SPIDR: variants seen among roughly 807,000 people sequenced by gnomAD.
SPIDR encodes scaffold protein involved in DNA repair.
A neutral mutation model predicts 104.6 loss-of-function variants in SPIDR; 93 were observed. The ratio of observed to expected loss-of-function variants is 0.89; its 90% CI spans 0.75 to 1.06. The LOEUF (loss-of-function observed/expected upper bound fraction) is 1.06. SPIDR is among the 50% of genes least tolerant of loss of function. SPIDR has a pLI of 0.00. For missense variants in SPIDR, 1,154 were observed against 1,111.2 expected, an observed-to-expected ratio of 1.04 and a Z score of -0.55; for synonymous variants, 431 against 416.9, an observed-to-expected ratio of 1.03 and a Z score of -0.41.
intron 5 of SPIDR, among the ~76,000 whole-genome samples, chr8:47,329,035 T>A (rs554112151): frequency 5.3e-5 from 8 of 152,018 alleles, no homozygotes; most frequent in Non-Finnish European, 1.2e-4. Flanking sequence ...GTCTCCTGAG[T>A]AGCTGGGATT....
chr8:47,412,308 G>C (rs907595918), intron 7 of SPIDR, among the ~76,000 whole-genome samples: 5 of 151,948 alleles, frequency 3.3e-5, no homozygotes, highest in African/African-American at 1.2e-4. Flanking sequence ...TCTTCCATTT[G>C]TTATTTAGAA....
At chr8:47,416,723 A>G (rs2064371389) in intron 7 of SPIDR, among the ~76,000 whole-genome samples, 1 of 152,046 alleles carries the variant, frequency 6.6e-6, no homozygotes, top group Non-Finnish European at 1.5e-5. Context: ...TGCACCCATT[A>G]ACTCGTCATT....
Position 47,729,408 on chromosome 8 carries a change from G to T in SPIDR, c.2551-4G>T, listed in dbSNP as rs771761693. 40 of 1,589,296 alleles carry T rather than the reference G, an allele frequency of 2.5e-5. No homozygotes were observed. The highest frequency in any genetic ancestry group is 1.7e-4 in the Middle Eastern group (1 of 6,032). ...TTAACCCAGCCCTGCTTCTGCTGTT[G>T]CAGCTGTTGCAGCGCAGCATTTCCT... is the stretch of plus-strand genomic sequence containing the variant. On this transcript the variant is annotated splice_polypyrimidine_tract_variant and splice_region_variant and intron_variant, in intron 18 of 19. Coordinates refer to ENST00000297423, the MANE Select transcript of SPIDR (RefSeq NM_001080394.4).
intron 8 of SPIDR, among the ~76,000 whole-genome samples, chr8:47,489,125 C>T (rs1166016861): frequency 6.6e-6 from 1 of 152,204 alleles, no homozygotes; most frequent in Admixed American, 6.5e-5. Context: ...CCCAAAATCT[C>T]CTTAAGCTGA....
intron 8 of SPIDR, among the ~76,000 whole-genome samples, chr8:47,557,036 A>G (rs934107010): frequency 7.2e-5 from 11 of 152,112 alleles, no homozygotes; most frequent in African/African-American, 2.7e-4. Flanking sequence ...CTTAGACTGC[A>G]TTTTCCCAGA....
At chr8:47,323,693 C>T (rs2047186312) in intron 5 of SPIDR, among the ~76,000 whole-genome samples, 1 of 152,154 alleles carries the variant, frequency 6.6e-6, no homozygotes, top group East Asian at 1.9e-4. Flanking sequence ...GCACAGCACA[C>T]AGCTGAACAT....
chr8:47,650,101 T>G (rs2071344587), intron 10 of SPIDR, among the ~76,000 whole-genome samples: 1 of 152,180 alleles, frequency 6.6e-6, no homozygotes. Flanking sequence ...CTGGGAGTGC[T>G]AGCCAGAACA....
intron 10 of SPIDR, among the ~76,000 whole-genome samples, chr8:47,608,475 G>C (rs1045897733): frequency 6.6e-6 from 1 of 152,160 alleles, no homozygotes; most frequent in Non-Finnish European, 1.5e-5. Flanking sequence ...TGGAATTGCT[G>C]AGTCATAAGG....
rs147073973 is a variant in SPIDR, at chr8:47,357,551, G to A, written c.526-38825G>A. Among the ~76,000 whole-genome samples, 621 of 152,228 alleles carry A rather than the reference G, an allele frequency of 4.1e-3. 3 individuals carry two copies. Among genetic ancestry groups the A allele is most frequent in the African/African-American group, 0.014 (566 of 41,530 alleles). ...AACTTCTTTATTTATCTTATTTTTC[G>A]TCCATCGTTTTACTCTGGTTATGGG... On this transcript the variant is annotated intron_variant, in intron 5 of 19. Transcript: ENST00000297423.
Position 47,645,273 on chromosome 8 carries a change from C to T in SPIDR, c.1545-28528C>T, listed in dbSNP as rs1285889242. Among the ~76,000 whole-genome samples the T allele has an allele frequency of 4.6e-5, 7 of 152,262 alleles. No individual in the cohort carries two copies. In the South Asian group the frequency reaches 1.0e-3, roughly 23 times the overall value. ...GCTTATGGTGAAAAGCAGAAAGGCT[C>T]AGGGTCTGTTTTAGAGATATGGTTT... On this transcript the variant is annotated intron_variant, in intron 10 of 19. Transcript: ENST00000297423.
In SPIDR at chr8:47,308,047, C is replaced by T. The variant is rs587769553; in HGVS notation, c.525+14017C>T. ...GTCTGGAAATTAGATTCTCCCTCTT[C>T]CCCAGCATTTGCTGTTTGTTTTGTT... is the stretch of plus-strand genomic sequence containing the variant. On this transcript the variant is annotated intron_variant, in intron 5 of 19. Coordinates refer to ENST00000297423, the MANE Select transcript of SPIDR (RefSeq NM_001080394.4). 2.6e-3 allele frequency among the ~76,000 whole-genome samples: 399 copies of T among 152,016 alleles called. 3 individuals carry two copies. Among genetic ancestry groups the T allele is most frequent in the African/African-American group, 9.3e-3 (386 of 41,450 alleles).
intron 5 of SPIDR, among the ~76,000 whole-genome samples, chr8:47,360,244 C>CAAAAAA (rs1186187617): frequency 6.7e-4 from 26 of 38,930 alleles, no homozygotes; most frequent in South Asian, 2.0e-3. Flanking sequence ...GACTCCATCT[C>CAAAAAA]AAAAAAAAAA....
intron 5 of SPIDR, among the ~76,000 whole-genome samples, chr8:47,384,309 GTATA>G (rs2059639354): frequency 1.3e-5 from 2 of 152,144 alleles, no homozygotes; most frequent in Non-Finnish European, 2.9e-5. Flanking sequence ...CTTTGAAAAA[GTATA>G]GCTTTACTGA....
intron 11 of SPIDR, 73 bp downstream of exon 11, chr8:47,674,014 T>G (rs966006180): frequency 2.0e-6 from 3 of 1,517,438 alleles, no homozygotes; most frequent in Non-Finnish European, 2.6e-6. Flanking sequence ...TGTCTCTAAT[T>G]TTATTTTTAA....
At chr8:47,430,102 C>G (rs1224151784) in intron 7 of SPIDR, among the ~76,000 whole-genome samples, 1 of 152,150 alleles carries the variant, frequency 6.6e-6, no homozygotes, top group Non-Finnish European at 1.5e-5. Flanking sequence ...CACTGGTGAG[C>G]CTTCCCAGCA....
intron 8 of SPIDR, among the ~76,000 whole-genome samples, chr8:47,463,733 T>C (rs1016446584): frequency 6.6e-5 from 10 of 152,194 alleles, no homozygotes; most frequent in Admixed American, 2.0e-4. Flanking sequence ...TCATGTAATA[T>C]ACCACATTAA....
At chr8:47,585,155 A>G (rs187718390) in intron 8 of SPIDR, among the ~76,000 whole-genome samples, 501 of 152,378 alleles carry the variant, frequency 3.3e-3, no homozygotes, top group Non-Finnish European at 5.6e-3. Flanking sequence ...AGTTGAGCCC[A>G]GAACATAGTA....
intron 8 of SPIDR, among the ~76,000 whole-genome samples, chr8:47,455,326 T>C (rs191303461): frequency 1.1e-3 from 166 of 152,186 alleles, no homozygotes; most frequent in Admixed American, 2.3e-3. Context: ...TTTAAGATAT[T>C]GATTGTAATT....
intron 10 of SPIDR, among the ~76,000 whole-genome samples, chr8:47,647,616 A>AGAGAGAGAG (rs2070674174): frequency 8.1e-4 from 49 of 60,460 alleles, no homozygotes; most frequent in African/African-American, 2.6e-3. Context: ...TCCATCTCGA[A>AGAGAGAGAG]AGAGAGAGAG....
Sources: allele counts gnomAD v4.1 joint callset (sites outside exome capture counted in the v4.1 genomes callset), GRCh38; gene constraint gnomAD v4.1.1; transcripts MANE v1.5; gene names NCBI Gene and HGNC (gene_info 2026-07-23, HGNC 2026-07-21).